Variants in COLGALT1 observed in about 807,000 individuals in gnomAD.
The protein encoded by COLGALT1 is collagen beta(1-O)galactosyltransferase 1, also known as procollagen galactosyltransferase 1.
COLGALT1 carries 43 observed loss-of-function variants against 60.8 expected under a neutral mutation model. The ratio of observed to expected loss-of-function variants is 0.71; its 90% confidence interval spans 0.55 to 0.91. The LOEUF (loss-of-function observed/expected upper bound fraction) is 0.91. COLGALT1 is among the 40% of genes least tolerant of loss of function. The probability of loss-of-function intolerance (pLI) is 0.00; values close to 1 mark genes in which losing one functional copy is unlikely to be tolerated. For missense variants in COLGALT1, 845 were observed against 880.0 expected (o/e 0.96, Z 0.50); for synonymous variants, 369 against 374.2 (o/e 0.99, Z 0.16).
Position 17,579,572 on chromosome 19 carries a change from C to G in COLGALT1, c.1357C>G (p.Arg453Gly), listed in dbSNP as rs572639404. The G allele has an allele frequency of 1.4e-6, 2 of 1,466,350 alleles. No individual in the cohort carries two copies. Among genetic ancestry groups the G allele is most frequent in the South Asian group, 1.1e-5 (1 of 88,736 alleles). 90.8% of individuals were successfully genotyped at this position (1,466,350 alleles called of 1,614,324 possible). Reference protein sequence around the residue: ...FFKRRLMNLMRDVEREGLDWD... With the variant: ...FFKRRLMNLMGDVEREGLDWD... ...CAAGAGACGTCTGATGAACCTCATG[C>G]GGGATGTGGAGCGGGAGGGCCTGGA... Residue 453 changes from arginine to glycine, a missense_variant, in exon 10 of 12, where the codon CGG becomes GGG. By Grantham distance (125) the Arg-to-Gly change is moderately radical. Coordinates refer to ENST00000252599, the MANE Select transcript of COLGALT1 (RefSeq NM_024656.4).
intron 10 of COLGALT1, chr19:17,580,301 G>C: frequency 3.5e-6 from 1 of 282,450 alleles, no homozygotes; most frequent in Non-Finnish European, 6.8e-6. Context: ...CATGTGCAGT[G>C]CCCTAATCTG....
At chr19:17,559,283 G>T in intron 1 of COLGALT1, 28 bp from the exon 2 acceptor site, 1 of 1,523,300 alleles carries the variant, frequency 6.6e-7, no homozygotes, top group Non-Finnish European at 8.9e-7. Flanking sequence ...GTCTCCCCAA[G>T]TACGCTGCCT....
intron 9 of COLGALT1, among the ~76,000 whole-genome samples, chr19:17,579,245 C>T (rs981465241): frequency 6.6e-6 from 1 of 151,604 alleles, no homozygotes. Flanking sequence ...GGCTGCAAGG[C>T]GGGAGGTGCA....
At chr19:17,579,748 C>T in intron 10 of COLGALT1, 139 bp downstream of exon 10, 2 of 1,174,690 alleles carry the variant, frequency 1.7e-6, no homozygotes, top group Non-Finnish European at 2.4e-6. Context: ...TGGGGTGGAA[C>T]TGGAGCCTAG....
intron 5 of COLGALT1, 27 bp from the exon 6 acceptor site, chr19:17,572,456 T>G (rs1568478655): frequency 6.2e-7 from 1 of 1,613,808 alleles, no homozygotes; most frequent in Admixed American, 1.7e-5. Context: ...TTTTTACATT[T>G]GTCTGTTGCT....
At chr19:17,557,010 G>T (rs902738393) in intron 1 of COLGALT1, among the ~76,000 whole-genome samples, 2 of 152,204 alleles carry the variant, frequency 1.3e-5, no homozygotes, top group African/African-American at 2.4e-5. Flanking sequence ...GAGCCCTTGG[G>T]TCTGGCATGG....
intron 6 of COLGALT1, among the ~76,000 whole-genome samples, chr19:17,576,471 G>T (rs1416485417): frequency 6.6e-6 from 1 of 151,972 alleles, no homozygotes; most frequent in Non-Finnish European, 1.5e-5. Flanking sequence ...AGGTGGGGCT[G>T]GGGGGTAGAG....
chr19:17,563,187 CTTTTTTTTTT>C (rs954111271), intron 3 of COLGALT1, among the ~76,000 whole-genome samples: 2 of 117,538 alleles, frequency 1.7e-5, no homozygotes, highest in Admixed American at 9.6e-5. Flanking sequence ...TTTCGTGTTT[CTTTTTTTTTT>C]TTTTTTTTTT....
chr19:17,579,723 G>C, intron 10 of COLGALT1, 114 bp downstream of exon 10: 1 of 1,384,782 alleles, frequency 7.2e-7, no homozygotes, highest in Non-Finnish European at 9.8e-7. Context: ...ATGGCTTAGA[G>C]GCGGGGCTTG....
chr19:17,559,482 A>G lies in COLGALT1; in HGVS notation c.371+61A>G, dbSNP rs2076235952. ...CTTTGCCTCTGCTCACACACCCTCT[A>G]TGGCTCCCCATTGCCCCAGAACAAT... On this transcript the variant is annotated intron_variant, in intron 2 of 11. Coordinates refer to ENST00000252599, the MANE Select transcript of COLGALT1 (RefSeq NM_024656.4). The G allele has an allele frequency of 3.9e-6, 5 of 1,277,620 alleles. No homozygotes were observed. In the African/African-American group the frequency reaches 4.4e-5, roughly 11 times the overall value. 79.1% of individuals were successfully genotyped at this position (1,277,620 alleles called of 1,614,324 possible).
chr19:17,578,018 C>A lies in COLGALT1; in HGVS notation c.1195C>A (p.Pro399Thr). 5 of 1,611,756 alleles carry A rather than the reference C, an allele frequency of 3.1e-6. No homozygotes were observed. Among genetic ancestry groups the A allele is most frequent in the Non-Finnish European group, 4.2e-6 (5 of 1,179,182 alleles). The change falls in exon 9 of 12, where the codon CCC becomes ACC. Residue 399 changes from proline (P) to threonine (T), a missense_variant. By Grantham distance (38) the Pro-to-Thr change is conservative. Coordinates refer to ENST00000252599, the MANE Select transcript of COLGALT1 (RefSeq NM_024656.4). ...GIQMLPGYRD[P>T]YHGRPLTKGE... is the part of the protein sequence containing the mutation. ...CCAGATGCTGCCTGGCTACCGGGAC[C>A]CCTACCACGGCCGGCCCCTCACCAA...
rs2076350917 is a variant in COLGALT1, at chr19:17,577,442, C to T, written c.1108C>T (p.Arg370Trp). 3.8e-6 allele frequency: 4 copies of T among 1,049,746 alleles called. No homozygotes were observed. Among genetic ancestry groups the T allele is most frequent in the East Asian group, 1.1e-4 (1 of 9,498 alleles). The allele number at this position is 1,049,746 out of a possible 1,614,324, so 65.0% of individuals were successfully genotyped here. A position where few individuals can be genotyped will look rare whatever the true frequency, so the allele number is the denominator to read the frequency against. Reference protein sequence around the residue: ...RALQAQEIECRLVEAVDGKAM... With the variant: ...RALQAQEIECWLVEAVDGKAM... Reference sequence around the variant, plus strand: ...GCTGCAGGCACAGGAGATCGAGTGCCGGCTGGTGGAGGCCGTGGACGGCAA... The same window carrying T: ...GCTGCAGGCACAGGAGATCGAGTGCTGGCTGGTGGAGGCCGTGGACGGCAA... Residue 370 changes from arginine (R) to tryptophan (W), a missense_variant, in exon 8 of 12, where the codon CGG becomes TGG. By Grantham distance (101) the Arg-to-Trp change is moderately radical. Transcript: ENST00000252599.
chr19:17,556,449 C>T, intron 1 of COLGALT1: 5 of 738,838 alleles, frequency 6.8e-6, no homozygotes, highest in Non-Finnish European at 8.3e-6. Context: ...TAAGCTTGAA[C>T]TCAGCCTGGC....
Position 17,577,093 on chromosome 19 carries a change from G to C in COLGALT1, c.950-102G>C, listed in dbSNP as rs966483670. 2.5e-6 allele frequency: 3 copies of C among 1,192,340 alleles called. No individual in the cohort carries two copies. The Admixed American group carries it at 5.8e-5, about 23-fold the overall frequency. 73.9% of individuals were successfully genotyped at this position (1,192,340 alleles called of 1,614,324 possible). ...CGGAGCCAGGTCGACTTTGTGGGCC[G>C]AGCCAGTCTGACTGGGAGCCATGGA... On this transcript the variant is annotated intron_variant, in intron 6 of 11. Transcript: ENST00000252599.
intron 6 of COLGALT1, among the ~76,000 whole-genome samples, chr19:17,576,828 G>T (rs914706612): frequency 2.0e-5 from 3 of 149,680 alleles, no homozygotes; most frequent in African/African-American, 7.4e-5. Flanking sequence ...GTAGCCTGGG[G>T]TGTGGCCAGG....
chr19:17,555,930 G>T lies in COLGALT1; in HGVS notation c.217G>T (p.Ala73Ser). ...AAHALPTTLG[A>S]LERLRHPRER... ...CCACGCGTTGCCCACCACGCTGGGC[G>T]CACTCGAGCGGCTGCGGCACCCGCG... The change falls in exon 1 of 12, where the codon GCA (alanine) becomes TCA (serine). Residue 73 changes from alanine (A) to serine (S), a missense_variant. Ala to Ser is a moderately conservative substitution (Grantham distance 99, BLOSUM62 1). Coordinates refer to ENST00000252599, the MANE Select transcript of COLGALT1 (RefSeq NM_024656.4). The T allele has an allele frequency of 7.2e-7, 1 of 1,394,256 alleles. No individual in the cohort carries two copies. Among genetic ancestry groups the T allele is most frequent in the Non-Finnish European group, 9.3e-7 (1 of 1,073,520 alleles). The allele number at this position is 1,394,256 out of a possible 1,614,324, so 86.4% of individuals were successfully genotyped here.
chr19:17,556,071 C>T (rs1330733498), intron 1 of COLGALT1, 98 bp downstream of exon 1: 7 of 1,210,096 alleles, frequency 5.8e-6, no homozygotes, highest in African/African-American at 4.7e-5. Context: ...CCGCTGTCCT[C>T]TTCTGGGCGG....
rs761108171 is a variant in COLGALT1 at position 17,567,506 on chromosome 19, C to A, written c.590C>A (p.Ala197Glu). 6.2e-7 allele frequency: 1 copy of A among 1,613,664 alleles called. No homozygotes were observed. Among genetic ancestry groups the A allele is most frequent in the Non-Finnish European group, 8.5e-7 (1 of 1,179,854 alleles). Residue 197 changes from alanine (A) to glutamate (E), a missense_variant, in exon 4 of 12, where the codon GCG becomes GAG. Physicochemically the swap from Ala to Glu is moderately radical, Grantham distance 107 (BLOSUM62 -1). Transcript: ENST00000252599. Reference protein sequence around the residue: ...VVAPMLDSRAAYSNFWCGMTS... With the variant: ...VVAPMLDSRAEYSNFWCGMTS... ...GCCCCCATGCTGGATTCCCGGGCTG[C>A]GTACTCCAACTTCTGGTGTGGAATG...
At position 17,582,799 on chromosome 19, in the gene COLGALT1, C is replaced by G. The variant is rs950245047; in HGVS notation, c.*1355C>G. On this transcript the variant is annotated 3_prime_UTR_variant, in exon 12 of 12. Transcript: ENST00000252599. ...GGGCAAGCACAGGTCCTGGTGGCCC[C>G]ACGCCACATGTTAGCCCCCCTGGAG... is the stretch of plus-strand genomic sequence containing the variant. The G allele has an allele frequency of 6.6e-6, 1 of 152,296 alleles. No individual in the cohort carries two copies. Among genetic ancestry groups the G allele is most frequent in the Non-Finnish European group, 1.5e-5 (1 of 68,084 alleles). The allele number at this position is 152,296 out of a possible 1,614,324, so 9.4% of individuals were successfully genotyped here.
Sources: allele counts gnomAD v4.1 joint callset (sites outside exome capture counted in the v4.1 genomes callset), GRCh38; gene constraint gnomAD v4.1.1; transcripts MANE v1.5; gene names NCBI Gene and HGNC (gene_info 2026-07-23, HGNC 2026-07-21).